The following PDCL3 variants were observed in gnomAD, a reference collection of about 807,000 sequenced individuals.
The protein encoded by PDCL3 is phosducin-like protein 3.
In PDCL3, 22 loss-of-function variants were observed where a neutral mutation model predicts 26.5. The observed-to-expected ratio is 0.83, with a 90% confidence interval of 0.59 to 1.19. The LOEUF (loss-of-function observed/expected upper bound fraction) is 1.19, where lower values mean the gene tolerates loss of function less well. Among genes scored for constraint, PDCL3 ranks in the 50% most tolerant of loss-of-function variants. PDCL3 has a pLI of 0.00. For synonymous variants in PDCL3, 81 were observed against 104.9 expected (o/e 0.77, Z 1.39); for missense variants, 246 against 294.1 (o/e 0.84, Z 1.20).
intron 3 of PDCL3, 27 bp from the exon 4 acceptor site, chr2:100,569,551 A>T: frequency 6.2e-7 from 1 of 1,610,154 alleles, no homozygotes; most frequent in African/African-American, 1.3e-5. Flanking sequence ...TTGTGACGTA[A>T]GATGTTTCTC....
chr2:100,575,454 G>A (rs377280232), intron 5 of PDCL3, among the ~76,000 whole-genome samples: 3 of 152,166 alleles, frequency 2.0e-5, no homozygotes, highest in South Asian at 2.1e-4. Flanking sequence ...GATTTTAATC[G>A]ATGTGTCCAG....
At chr2:100,573,115 C>G (rs1675211065) in intron 5 of PDCL3, among the ~76,000 whole-genome samples, 1 of 149,606 alleles carries the variant, frequency 6.7e-6, no homozygotes. Context: ...GAACTCCTGA[C>G]CTCGTGATCT....
chr2:100,575,476 C>G (rs903732776), intron 5 of PDCL3, among the ~76,000 whole-genome samples: 1 of 152,220 alleles, frequency 6.6e-6, no homozygotes, highest in Non-Finnish European at 1.5e-5. Context: ...TAGCAGAACT[C>G]TCTGCCTTGA....
rs748428799 is a variant in PDCL3 at position 100,566,595 on chromosome 2, A to G, written c.99A>G (p.Ala33=). The change falls in exon 2 of 6, where the codon GCA becomes GCG. Residue 33 remains alanine (A), a synonymous_variant. Coordinates refer to ENST00000264254, the MANE Select transcript of PDCL3 (RefSeq NM_024065.5). ...GTCTGAAAGAATTGGAAGAGGAGGC[A>G]GAAGAGGAGCAGCGCATCCTCCAGC... ...KESLKELEEE[A]EEEQRILQQS... 84 of 1,613,916 alleles carry G rather than the reference A, an allele frequency of 5.2e-5. 1 individual carries two copies. In the East Asian group the frequency reaches 1.9e-3, roughly 36 times the overall value.
chr2:100,569,089 G>A, intron 3 of PDCL3, 68 bp downstream of exon 3: 2 of 1,389,350 alleles, frequency 1.4e-6, no homozygotes, highest in Non-Finnish European at 2.0e-6. Flanking sequence ...TTTTTTTTTG[G>A]CGTGGCAATA....
intron 1 of PDCL3, among the ~76,000 whole-genome samples, chr2:100,565,244 C>T (rs1292143880): frequency 1.3e-5 from 2 of 151,506 alleles, no homozygotes; most frequent in Admixed American, 6.6e-5. Context: ...GCTGGAATTA[C>T]AGGCGTGAGC....
chr2:100,573,572 G>A (rs929544856), intron 5 of PDCL3, among the ~76,000 whole-genome samples: 4 of 151,604 alleles, frequency 2.6e-5, no homozygotes, highest in Non-Finnish European at 4.4e-5. Flanking sequence ...CTACTCGGAG[G>A]CTGAGGCAGG....
intron 3 of PDCL3, 56 bp downstream of exon 3, chr2:100,569,077 G>T (rs567403500): frequency 1.6e-4 from 214 of 1,315,310 alleles, no homozygotes; most frequent in Middle Eastern, 5.9e-4. Flanking sequence ...TTTTGTTTTG[G>T]TTTTTTTTTT....
chr2:100,567,702 G>A (rs565918826), intron 2 of PDCL3, among the ~76,000 whole-genome samples: 53 of 152,266 alleles, frequency 3.5e-4, no homozygotes, highest in Non-Finnish European at 3.1e-4. Context: ...AGCTGGAGGC[G>A]CTGGGGGAGA....
At chr2:100,565,992 C>G (rs1279851326) in intron 1 of PDCL3, among the ~76,000 whole-genome samples, 1 of 152,284 alleles carries the variant, frequency 6.6e-6, no homozygotes, top group East Asian at 1.9e-4. Context: ...CAAGCTCCGC[C>G]TCCCGGGTTT....
At chr2:100,573,615 G>A (rs1407568972) in intron 5 of PDCL3, among the ~76,000 whole-genome samples, 1 of 150,694 alleles carries the variant, frequency 6.6e-6, no homozygotes, top group Non-Finnish European at 1.5e-5. Flanking sequence ...AGAGGTTGCA[G>A]TGAGCCAAGA....
intron 4 of PDCL3, among the ~76,000 whole-genome samples, chr2:100,571,114 CAAAAA>C (rs59012685): frequency 2.8e-5 from 3 of 109,080 alleles, no homozygotes; most frequent in Non-Finnish European, 3.8e-5. Flanking sequence ...CCTGTCTTTA[CAAAAA>C]AAAAAAAAAA....
chr2:100,572,540 A>G (rs7557273), intron 5 of PDCL3, among the ~76,000 whole-genome samples: 98,608 of 149,064 alleles, frequency 0.66, 34,299 homozygotes, highest in East Asian at 1. Flanking sequence ...TTTTTGAGAC[A>G]GAGTTTCACT....
At chr2:100,563,784 A>G (rs1384969854) in intron 1 of PDCL3, among the ~76,000 whole-genome samples, 2 of 152,108 alleles carry the variant, frequency 1.3e-5, no homozygotes, top group Non-Finnish European at 2.9e-5. Flanking sequence ...GTCACTGTCC[A>G]AAGATCCCGC....
intron 5 of PDCL3, among the ~76,000 whole-genome samples, chr2:100,573,454 G>A (rs1675217855): frequency 6.6e-6 from 1 of 151,816 alleles, no homozygotes; most frequent in Non-Finnish European, 1.5e-5. Context: ...CGGGTGGATT[G>A]CCTGAGGTCA....
intron 1 of PDCL3, chr2:100,563,652 ATAAAT>A (rs1456783225): frequency 6.6e-6 from 1 of 151,334 alleles, no homozygotes; most frequent in Non-Finnish European, 1.5e-5. Flanking sequence ...AATAGGTAAA[ATAAAT>A]TATTTTTCTG....
Position 100,563,299 on chromosome 2 carries a change from C to T in PDCL3, c.6+226C>T, listed in dbSNP as rs115508545. 1.7e-3 allele frequency: 855 copies of T among 502,318 alleles called. 7 individuals carry two copies. Among genetic ancestry groups the T allele is most frequent in the African/African-American group, 0.016 (802 of 48,890 alleles). The allele number at this position is 502,318 out of a possible 1,614,324, so 31.1% of individuals were successfully genotyped here. ...CCTCGGTGTGCCGGGTCCCCCAAAC[C>T]TCGTCCTCCGGGACTATGTCTTCTC... On this transcript the variant is annotated intron_variant, in intron 1 of 5. Coordinates refer to ENST00000264254, the MANE Select transcript of PDCL3 (RefSeq NM_024065.5).
chr2:100,569,026 G>A lies in PDCL3; in HGVS notation c.224+5G>A. ...ACGTGCTATTGAAATGTACAGGTAA[G>A]CGCCACCCAGAGGGGCTGTTTGTTT... On this transcript the variant is annotated splice_donor_5th_base_variant and intron_variant, in intron 3 of 5. Transcript: ENST00000264254. 3.1e-6 allele frequency: 5 copies of A among 1,602,226 alleles called. No individual in the cohort carries two copies. The highest frequency in any genetic ancestry group is 4.3e-6 in the Non-Finnish European group (5 of 1,174,560).
At chr2:100,569,180 C>T (rs1467084256) in intron 3 of PDCL3, among the ~76,000 whole-genome samples, 159 bp downstream of exon 3, 1 of 151,658 alleles carries the variant, frequency 6.6e-6, no homozygotes, top group Non-Finnish European at 1.5e-5. Context: ...CGCTTGAGCT[C>T]AGAAGTTTGA....
Sources: gnomAD v4.1 joint callset for allele counts (sites outside exome capture counted in the v4.1 genomes callset) on GRCh38, gnomAD v4.1.1 for gene constraint, MANE v1.5 for transcripts, NCBI Gene and HGNC (gene_info 2026-07-23, HGNC 2026-07-21) for gene names.